Variants in ESRRG observed in about 807,000 individuals in gnomAD.
ESRRG encodes estrogen related receptor gamma, also known as estrogen-related receptor gamma.
ESRRG carries 13 observed loss-of-function variants against 44.0 expected under a neutral mutation model. The observed-to-expected ratio is 0.30, with a 90% confidence interval of 0.19 to 0.47. The LOEUF is 0.47. Among genes scored for constraint, ESRRG ranks in the 20% least tolerant of loss-of-function variants. The pLI is 1.00. For synonymous variants in ESRRG, 215 were observed against 214.6 expected (o/e 1.00, Z -0.02); for missense variants, 395 against 580.6 (o/e 0.68, Z 3.29).
At chr1:216,733,680 C>T (rs1575893663) in intron 2 of ESRRG, among the ~76,000 whole-genome samples, 1 of 151,986 alleles carries the variant, frequency 6.6e-6, no homozygotes, top group South Asian at 2.1e-4. Flanking sequence ...TTTAGCAACA[C>T]AATCCACAGG....
rs75064597 is a variant in ESRRG, at chr1:216,608,378, C to T, written c.590-40280G>A. On this transcript the variant is annotated intron_variant, in intron 3 of 6. Transcript: ENST00000408911. ...AAATATTTAATATAGGCATTCAGGT[C>T]ATACATTCATTTCAATCTTCTTTCT... Among the ~76,000 whole-genome samples the T allele has an allele frequency of 3.3e-4, 50 of 152,274 alleles. 1 individual carries two copies. The East Asian group carries it at 9.5e-3, about 29-fold the overall frequency.
intron 1 of ESRRG, among the ~76,000 whole-genome samples, chr1:217,119,005 GGATAGATA>G (rs55952668): frequency 0.23 from 31,207 of 137,282 alleles, 3,241 homozygotes; most frequent in South Asian, 0.27. Flanking sequence ...GAAACTAGAT[GGATAGATA>G]GATAGATAGA....
At chr1:216,733,968 G>A (rs2089375903) in intron 2 of ESRRG, among the ~76,000 whole-genome samples, 1 of 135,646 alleles carries the variant, frequency 7.4e-6, no homozygotes, top group African/African-American at 2.8e-5. Flanking sequence ...GGTCAACAGA[G>A]CAACAGAGCA....
At chr1:216,964,599 A>G (rs996592003) in intron 1 of ESRRG, among the ~76,000 whole-genome samples, 2 of 152,134 alleles carry the variant, frequency 1.3e-5, no homozygotes, top group East Asian at 1.9e-4. Context: ...ACTGAGCGTG[A>G]ATCTGTATGT....
chr1:216,744,114 G>C (rs2091093811), intron 2 of ESRRG, among the ~76,000 whole-genome samples: 1 of 152,036 alleles, frequency 6.6e-6, no homozygotes, highest in Non-Finnish European at 1.5e-5. Flanking sequence ...TGCTTTAAGA[G>C]AACAAAGCCA....
intron 1 of ESRRG, among the ~76,000 whole-genome samples, chr1:216,701,110 T>C (rs1425147479): frequency 1.5e-5 from 2 of 137,192 alleles, no homozygotes; most frequent in Non-Finnish European, 3.1e-5. Flanking sequence ...AACAACCCCA[T>C]TATTAAGAGC....
At chr1:217,053,943 T>A (rs2086602553) in intron 1 of ESRRG, among the ~76,000 whole-genome samples, 1 of 151,846 alleles carries the variant, frequency 6.6e-6, no homozygotes, top group Non-Finnish European at 1.5e-5. Flanking sequence ...CTCAGCCAAT[T>A]CCTCAGCAGC....
At chr1:216,669,559 T>C (rs994860889) in intron 2 of ESRRG, among the ~76,000 whole-genome samples, 4 of 152,054 alleles carry the variant, frequency 2.6e-5, no homozygotes, top group African/African-American at 9.7e-5. Flanking sequence ...ATGCAAGAAG[T>C]GGAAAAGTCA....
At chr1:216,653,241 G>A (rs2069470697) in intron 2 of ESRRG, among the ~76,000 whole-genome samples, 1 of 152,176 alleles carries the variant, frequency 6.6e-6, no homozygotes, top group Non-Finnish European at 1.5e-5. Context: ...CATCAGGCAT[G>A]TGTGAGCTCA....
chr1:216,992,718 T>A (rs145377986), intron 1 of ESRRG, among the ~76,000 whole-genome samples: 165 of 152,322 alleles, frequency 1.1e-3, no homozygotes, highest in African/African-American at 3.8e-3. Context: ...CAAACCAAAC[T>A]CCCTATAATA....
At chr1:216,706,173 C>A (rs2082403737) in intron 1 of ESRRG, among the ~76,000 whole-genome samples, 1 of 151,652 alleles carries the variant, frequency 6.6e-6, no homozygotes. Flanking sequence ...ACGAAGAATG[C>A]ATCCATTTTA....
intron 2 of ESRRG, among the ~76,000 whole-genome samples, chr1:216,856,875 T>C (rs1021196693): frequency 3.3e-5 from 5 of 152,214 alleles, no homozygotes; most frequent in African/African-American, 9.6e-5. Flanking sequence ...AGTTGAGCCC[T>C]CATCCATACT....
At chr1:216,572,453 T>G (rs2149682441) in intron 3 of ESRRG, among the ~76,000 whole-genome samples, 1 of 152,264 alleles carries the variant, frequency 6.6e-6, no homozygotes, top group East Asian at 1.9e-4. Context: ...TAATAATACA[T>G]GTACTTAAAT....
intron 2 of ESRRG, among the ~76,000 whole-genome samples, chr1:216,761,169 A>G (rs1481345242): frequency 6.6e-6 from 1 of 151,984 alleles, no homozygotes; most frequent in Admixed American, 6.6e-5. Flanking sequence ...AAATAAAAAA[A>G]AAAAATTTTC....
intron 2 of ESRRG, among the ~76,000 whole-genome samples, chr1:216,824,209 G>A (rs1028021551): frequency 6.6e-6 from 1 of 152,132 alleles, no homozygotes; most frequent in African/African-American, 2.4e-5. Flanking sequence ...CACTTTGAGA[G>A]GCCGAGGCAG....
intron 1 of ESRRG, among the ~76,000 whole-genome samples, chr1:217,114,626 G>T (rs2092698722): frequency 6.6e-6 from 1 of 151,246 alleles, no homozygotes; most frequent in Non-Finnish European, 1.5e-5. Flanking sequence ...TGTCCTGAAT[G>T]GGGTACACCT....
chr1:216,888,213 G>C (rs2057299865), intron 2 of ESRRG, among the ~76,000 whole-genome samples: 1 of 152,046 alleles, frequency 6.6e-6, no homozygotes, highest in African/African-American at 2.4e-5. Flanking sequence ...TCTAATTTAG[G>C]TGTTTTTCTC....
At chr1:216,995,331 T>A (rs1344814470) in intron 1 of ESRRG, among the ~76,000 whole-genome samples, 1 of 152,200 alleles carries the variant, frequency 6.6e-6, no homozygotes, top group Non-Finnish European at 1.5e-5. Context: ...GTGGTTTTCC[T>A]CCATTCATTC....
intron 3 of ESRRG, among the ~76,000 whole-genome samples, chr1:216,583,929 G>C (rs1200169439): frequency 6.6e-6 from 1 of 152,068 alleles, no homozygotes; most frequent in Non-Finnish European, 1.5e-5. Flanking sequence ...GAACATCATG[G>C]GAAAGACTTG....
Sources: allele counts gnomAD v4.1 joint callset (sites outside exome capture counted in the v4.1 genomes callset), GRCh38; gene constraint gnomAD v4.1.1; transcripts MANE v1.5; gene names NCBI Gene and HGNC (gene_info 2026-07-23, HGNC 2026-07-21).